Variants in RBL2 observed in about 807,000 individuals in gnomAD.
RBL2 encodes the protein RB transcriptional corepressor like 2.
In RBL2, 56 loss-of-function variants were observed where a neutral mutation model predicts 126.0. That is an observed-to-expected ratio of 0.44 (90% CI 0.36 to 0.56). RBL2 has a LOEUF of 0.56. Among genes scored for constraint, RBL2 ranks in the 20% least tolerant of loss-of-function variants. The probability of loss-of-function intolerance (pLI) is 0.00; values close to 1 mark genes in which losing one functional copy is unlikely to be tolerated. For synonymous variants in RBL2, 454 were observed against 478.5 expected, an observed-to-expected ratio of 0.95 and a Z score of 0.67; for missense variants, 1,229 against 1,398.2, an observed-to-expected ratio of 0.88 and a Z score of 1.93.
chr16:53,479,358 ACTTTAAT>A, intron 18 of RBL2, 133 bp downstream of exon 18: 2 of 691,568 alleles, frequency 2.9e-6, no homozygotes, highest in South Asian at 3.8e-5. Flanking sequence ...GGAAGTTTCT[ACTTTAAT>A]CTTTATTCTT....
intron 1 of RBL2, among the ~76,000 whole-genome samples, chr16:53,436,127 C>G (rs2057956521): frequency 6.6e-6 from 1 of 152,092 alleles, no homozygotes. Context: ...TTTCTGTAGT[C>G]TGGCAAAGAG....
intron 21 of RBL2, among the ~76,000 whole-genome samples, chr16:53,487,217 C>T (rs1162907170): frequency 2.6e-5 from 4 of 152,128 alleles, no homozygotes; most frequent in African/African-American, 4.8e-5. Context: ...TTGTCATTTA[C>T]AAGGCAAAGA....
chr16:53,463,194 T>A (rs940033240), intron 11 of RBL2, among the ~76,000 whole-genome samples: 3 of 152,168 alleles, frequency 2.0e-5, no homozygotes, highest in African/African-American at 7.2e-5. Flanking sequence ...ATAATAATTA[T>A]TGACAATGTT....
In RBL2 at chr16:53,434,933, G is replaced by T. The variant is rs7204256; in HGVS notation, c.240+137G>T. The T allele has an allele frequency of 4.8e-3, 6,238 of 1,304,102 alleles. 252 individuals carry two copies. In the African/African-American group the frequency reaches 0.088, roughly 18 times the overall value. The allele number at this position is 1,304,102 out of a possible 1,614,324, so 80.8% of individuals were successfully genotyped here. On this transcript the variant is annotated intron_variant, in intron 1 of 21. Transcript: ENST00000262133. ...CGAGAGGGGTGGGGACTTCCTCTGC[G>T]CTATTCCGAGGCTCTTAGCCGCTCC...
In RBL2 at chr16:53,491,350, A is replaced by G. The variant is rs1961440121; in HGVS notation, c.*1050A>G. 6.6e-6 allele frequency: 1 copy of G among 152,238 alleles called. No homozygotes were observed. Among genetic ancestry groups the G allele is most frequent in the South Asian group, 2.1e-4 (1 of 4,832 alleles). 9.4% of individuals were successfully genotyped at this position (152,238 alleles called of 1,614,324 possible). On this transcript the variant is annotated 3_prime_UTR_variant, in exon 22 of 22. Transcript: ENST00000262133. Reference sequence around the variant, plus strand: ...TTTTATTAGTACCATAGTACCATTTATACAAATTAGAAAATGTTATTTAAC... The same window carrying G: ...TTTTATTAGTACCATAGTACCATTTGTACAAATTAGAAAATGTTATTTAAC...
chr16:53,473,059 T>C (rs2150816971), intron 17 of RBL2, among the ~76,000 whole-genome samples: 1 of 152,362 alleles, frequency 6.6e-6, no homozygotes, highest in South Asian at 2.1e-4. Context: ...CACTGGACTA[T>C]ATGCCTATCC....
intron 21 of RBL2, among the ~76,000 whole-genome samples, chr16:53,485,812 C>A (rs1428852106): frequency 6.6e-6 from 1 of 151,694 alleles, no homozygotes; most frequent in African/African-American, 2.4e-5. Flanking sequence ...GCCATGCTCA[C>A]ATTACTACAC....
In RBL2 at chr16:53,436,157, ATGT is replaced by A. The variant is rs1373591850; in HGVS notation, c.240+1366_240+1368del. 5.9e-5 allele frequency among the ~76,000 whole-genome samples: 9 copies of A among 152,028 alleles called. No homozygotes were observed. The South Asian group carries it at 1.9e-3, about 32-fold the overall frequency. ...AAAGAGAAGGACTGGTTGGCTTTTT[ATGT>A]TGTTTTTTGTTTTTTGGGTTTTTTT... On this transcript the variant is annotated intron_variant, in intron 1 of 21. Transcript: ENST00000262133.
chr16:53,463,561 C>CTTTTTTTTT (rs770657237), intron 11 of RBL2, among the ~76,000 whole-genome samples: 6 of 94,404 alleles, frequency 6.4e-5, no homozygotes, highest in Non-Finnish European at 1.0e-4. Flanking sequence ...TTTTTTTTTC[C>CTTTTTTTTT]TTTTTTTTTT....
chr16:53,439,797 T>TA (rs1450081539), intron 2 of RBL2, among the ~76,000 whole-genome samples: 1 of 151,744 alleles, frequency 6.6e-6, no homozygotes, highest in Non-Finnish European at 1.5e-5. Flanking sequence ...AGTTAATGGT[T>TA]AAAAAATCAC....
rs371754663 is a variant in RBL2, at chr16:53,467,015, G to A, written c.1864-43G>A. 389 of 1,404,186 alleles carry A rather than the reference G, an allele frequency of 2.8e-4. 1 individual carries two copies. The highest frequency in any genetic ancestry group is 2.3e-3 in the East Asian group (100 of 43,000). The allele number at this position is 1,404,186 out of a possible 1,614,324, so 87.0% of individuals were successfully genotyped here. ...TTACTATTGTATTTGTAATTAAAGT[G>A]CTTTTTTGGATACTGGCATTCTGTG... On this transcript the variant is annotated intron_variant, in intron 13 of 21. Coordinates refer to ENST00000262133, the MANE Select transcript of RBL2 (RefSeq NM_005611.4).
chr16:53,451,277 A>C (rs939143360), intron 4 of RBL2, among the ~76,000 whole-genome samples: 2 of 152,182 alleles, frequency 1.3e-5, no homozygotes, highest in African/African-American at 4.8e-5. Context: ...AGGCCAAGGC[A>C]GAAGGATCAC....
At chr16:53,483,951 A>C (rs1961058667) in intron 21 of RBL2, among the ~76,000 whole-genome samples, 1 of 139,654 alleles carries the variant, frequency 7.2e-6, no homozygotes, top group African/African-American at 2.9e-5. Context: ...AAAGGTGTAA[A>C]GGTGTCACGT....
In RBL2 at chr16:53,457,258, C is replaced by CCTTTTTTTTTTTTTTTTTT. The variant is rs1555566426; in HGVS notation, c.1180-2193_1180-2192insCTTTTTTTTTTTTTTTTTT. On this transcript the variant is annotated intron_variant, in intron 8 of 21. Coordinates refer to ENST00000262133, the MANE Select transcript of RBL2 (RefSeq NM_005611.4). ...GGGTCATCAGGGTGGGTACAGATAG[C>CCTTTTTTTTTTTTTTTTTT]TTTTTTTTTTTTTTTTTTTGAGATG... is the stretch of plus-strand genomic sequence containing the variant. Among the ~76,000 whole-genome samples, 282 of 89,900 alleles carry CCTTTTTTTTTTTTTTTTTT rather than the reference C, an allele frequency of 3.1e-3. 28 individuals are homozygous for CCTTTTTTTTTTTTTTTTTT. The highest frequency in any genetic ancestry group is 0.016 in the Middle Eastern group (2 of 124). The allele number at this position is 89,900 out of a possible 152,430, so 59.0% of individuals were successfully genotyped here. A position where few individuals can be genotyped will look rare whatever the true frequency, so the allele number is the denominator to read the frequency against.
intron 3 of RBL2, among the ~76,000 whole-genome samples, chr16:53,446,694 G>A (rs1326578630): frequency 6.6e-6 from 1 of 152,180 alleles, no homozygotes; most frequent in Non-Finnish European, 1.5e-5. Context: ...AAAAAATAAG[G>A]ACATATCTGA....
chr16:53,475,380 T>A (rs2150819377), intron 17 of RBL2, among the ~76,000 whole-genome samples: 1 of 152,244 alleles, frequency 6.6e-6, no homozygotes, highest in South Asian at 2.1e-4. Flanking sequence ...CTCGCCCAGC[T>A]AGTTTTTGTA....
intron 13 of RBL2, 80 bp downstream of exon 13, chr16:53,465,682 T>G: frequency 8.3e-7 from 1 of 1,207,838 alleles, no homozygotes; most frequent in Non-Finnish European, 1.1e-6. Flanking sequence ...GATGGGAGGG[T>G]GGCAATTAGG....
chr16:53,436,737 CCT>C (rs2057962102), intron 1 of RBL2, among the ~76,000 whole-genome samples: 2 of 152,308 alleles, frequency 1.3e-5, no homozygotes, highest in East Asian at 3.9e-4. Context: ...GAAAATGCAG[CCT>C]CTGAGACTGT....
rs1356592834 is a variant in RBL2 at position 53,480,579 on chromosome 16, C to T, written c.2894C>T (p.Ser965Phe). 5.6e-6 allele frequency: 9 copies of T among 1,613,640 alleles called. No individual in the cohort carries two copies. Among genetic ancestry groups the T allele is most frequent in the Non-Finnish European group, 6.8e-6 (8 of 1,179,778 alleles). ...CTCCTGGCTGCAGCCAGTAGAGACT[C>T]CAGTCCAGTTATGAGGTCAAGCAGC... ...ELNKDRTSRD[S>F]SPVMRSSSTL... is the part of the protein sequence containing the mutation. The change falls in exon 20 of 22, where the codon TCC (serine) becomes TTC (phenylalanine). Residue 965 changes from serine (S) to phenylalanine (F), a missense_variant. Around this residue, in one of 2 missense-constraint regions of RBL2, gnomAD observed 1,070 missense variants for 1,274.3 expected, o/e 0.84. Transcript: ENST00000262133.
Sources: gnomAD v4.1 joint callset for allele counts (sites outside exome capture counted in the v4.1 genomes callset) on GRCh38, gnomAD v4.1.1 for gene constraint, gnomAD v4.1.1 regional missense constraint, MANE v1.5 for transcripts, NCBI Gene and HGNC (gene_info 2026-07-23, HGNC 2026-07-21) for gene names.